DIP2C: variants seen among roughly 807,000 people sequenced by gnomAD.
DIP2C encodes the protein disco-interacting protein 2 homolog C.
In DIP2C, 33 loss-of-function variants were observed where a neutral mutation model predicts 192.4. That is an observed-to-expected ratio of 0.17 (90% CI 0.13 to 0.23). The LOEUF is 0.23. Among genes scored for constraint, DIP2C ranks in the 10% least tolerant of loss-of-function variants. The pLI is 1.00. For synonymous variants in DIP2C, 979 were observed against 864.1 expected, an observed-to-expected ratio of 1.13 and a Z score of -2.33; for missense variants, 1,537 against 2,110.1, an observed-to-expected ratio of 0.73 and a Z score of 5.32.
At chr10:537,324 C>A (rs1435581762) in intron 1 of DIP2C, among the ~76,000 whole-genome samples, 1 of 152,200 alleles carries the variant, frequency 6.6e-6, no homozygotes, top group Non-Finnish European at 1.5e-5. Flanking sequence ...ATGACTCAAA[C>A]AGAGCAAGTG....
At chr10:473,694 T>C (rs1430081888) in intron 2 of DIP2C, among the ~76,000 whole-genome samples, 1 of 152,274 alleles carries the variant, frequency 6.6e-6, no homozygotes, top group Admixed American at 6.5e-5. Context: ...CATGAAGAAC[T>C]GCTCTAAGAG....
In DIP2C at chr10:333,363, C is replaced by A. The variant is rs148069361; in HGVS notation, c.3585-3762G>T. On this transcript the variant is annotated intron_variant, in intron 29 of 36. Transcript: ENST00000280886. ...CACCTGAAAGGGATCCCGTGTCCAT[C>A]TGCAGTCAGTCCCATTTCCAGCCCT... 1.3e-3 allele frequency among the ~76,000 whole-genome samples: 192 copies of A among 152,350 alleles called. 1 individual carries two copies. The highest frequency in any genetic ancestry group is 4.4e-3 in the African/African-American group (181 of 41,564).
At chr10:467,197 G>A (rs1488866382) in intron 3 of DIP2C, among the ~76,000 whole-genome samples, 1 of 152,130 alleles carries the variant, frequency 6.6e-6, no homozygotes, top group East Asian at 1.9e-4. Flanking sequence ...GGAATACTAT[G>A]CAGCCATAAA....
intron 35 of DIP2C, 133 bp downstream of exon 35, chr10:283,139 A>T: frequency 8.0e-7 from 1 of 1,255,356 alleles, no homozygotes; most frequent in East Asian, 2.3e-5. Flanking sequence ...GGTTCTTTTC[A>T]CACTGGGTTG....
rs1330551337 is a variant in DIP2C at position 390,371 on chromosome 10, A to G, written c.1387T>C (p.Trp463Arg). Residue 463 changes from tryptophan to arginine, a missense_variant and splice_region_variant, in exon 12 of 37, where the codon TGG becomes CGG. By Grantham distance (101) the Trp-to-Arg change is moderately radical. This residue lies in a region of DIP2C where 677 missense variants were observed against 989.9 expected (regional missense o/e 0.68). Coordinates refer to ENST00000280886, the MANE Select transcript of DIP2C (RefSeq NM_014974.3). ...PTGEIPQFKG[W>R]PKLLWFVTES... ...GTGACAAACCACAGCAGCTTTGGCCAACCTTGGAAATAAACAACAAGTTCC... is the reference window on the plus strand; with the variant it reads ...GTGACAAACCACAGCAGCTTTGGCCGACCTTGGAAATAAACAACAAGTTCC... 1 of 1,613,840 alleles carries G rather than the reference A, an allele frequency of 6.2e-7. No homozygotes were observed.
At chr10:323,841 G>C (rs1419960029) in intron 31 of DIP2C, among the ~76,000 whole-genome samples, 6 of 152,194 alleles carry the variant, frequency 3.9e-5, no homozygotes, top group African/African-American at 1.4e-4. Context: ...GGCATGTCCT[G>C]TGTGCTGGGC....
intron 1 of DIP2C, among the ~76,000 whole-genome samples, chr10:679,800 C>T (rs1831066948): frequency 6.6e-6 from 1 of 152,188 alleles, no homozygotes; most frequent in Admixed American, 6.5e-5. Flanking sequence ...TTCCCTGCGC[C>T]CATATCTGCT....
In DIP2C at chr10:294,835, A is replaced by C. The variant is rs1035458996; in HGVS notation, c.3987-6414T>G. On this transcript the variant is annotated intron_variant, in intron 32 of 36. Coordinates refer to ENST00000280886, the MANE Select transcript of DIP2C (RefSeq NM_014974.3). ...AAGCAAATAGGATTATAAATAACTT[A>C]AAAGCTTCTGCACAGCAAAGGAAAC... is the stretch of plus-strand genomic sequence containing the variant. Among the ~76,000 whole-genome samples, 3 of 152,312 alleles carry C rather than the reference A, an allele frequency of 2.0e-5. No individual in the cohort carries two copies. The South Asian group carries it at 6.2e-4, about 32-fold the overall frequency.
At position 419,180 on chromosome 10, in the gene DIP2C, A is replaced by G. The variant is rs1348218377; in HGVS notation, c.624T>C (p.Pro208=). The change falls in exon 6 of 37, where the codon CCT becomes CCC. Residue 208 remains proline (P), a synonymous_variant. Transcript: ENST00000280886. ...QTHIENHSAP[P]DVTTYTSEHS... ...GCTCTGAGGTGTACGTGGTTACGTC[A>G]GGAGGTGCAGAATGATTTTCTGTAA... 1 of 1,614,248 alleles carries G rather than the reference A, an allele frequency of 6.2e-7. No homozygotes were observed. The highest frequency in any genetic ancestry group is 1.3e-5 in the African/African-American group (1 of 75,072).
chr10:606,669 T>C (rs1316597440), intron 1 of DIP2C, among the ~76,000 whole-genome samples: 3 of 152,234 alleles, frequency 2.0e-5, no homozygotes, highest in South Asian at 2.1e-4. Flanking sequence ...TGCTGTGATC[T>C]GAATTCTCAT....
chr10:524,050 G>A (rs1475884982), intron 1 of DIP2C, among the ~76,000 whole-genome samples: 2 of 152,180 alleles, frequency 1.3e-5, no homozygotes, highest in Admixed American at 6.5e-5. Flanking sequence ...CCCGAGGCTG[G>A]TTCCACCTCC....
chr10:445,612 A>ACC (rs1199569335), intron 3 of DIP2C, among the ~76,000 whole-genome samples: 90 of 126,498 alleles, frequency 7.1e-4, no homozygotes, highest in African/African-American at 3.3e-3. Context: ...GCATCTGTAT[A>ACC]CAACTGTTGC....
intron 6 of DIP2C, among the ~76,000 whole-genome samples, chr10:417,500 G>C (rs912799796): frequency 6.6e-6 from 1 of 152,178 alleles, no homozygotes; most frequent in African/African-American, 2.4e-5. Context: ...CATCGCACTG[G>C]CAATCAGGGC....
At chr10:420,018 G>A (rs972203857) in intron 5 of DIP2C, among the ~76,000 whole-genome samples, 3 of 152,174 alleles carry the variant, frequency 2.0e-5, no homozygotes, top group Admixed American at 6.5e-5. Flanking sequence ...CTTGATGACG[G>A]GCGCCACGAT....
intron 1 of DIP2C, among the ~76,000 whole-genome samples, chr10:679,421 G>A (rs1357044056): frequency 1.0e-4 from 4 of 39,974 alleles, no homozygotes; most frequent in African/African-American, 5.1e-4. Context: ...CAGGCTCCCC[G>A]CGCCCATCTG....
intron 1 of DIP2C, among the ~76,000 whole-genome samples, chr10:488,718 G>C (rs1020264664): frequency 6.6e-6 from 1 of 152,198 alleles, no homozygotes; most frequent in Non-Finnish European, 1.5e-5. Context: ...TGACGCCTCT[G>C]GGTACCCACG....
chr10:610,784 A>C (rs1260939091), intron 1 of DIP2C, among the ~76,000 whole-genome samples: 3 of 138,528 alleles, frequency 2.2e-5, no homozygotes, highest in Non-Finnish European at 3.1e-5. Context: ...CCCTGGTGGG[A>C]GGTGACTGAC....
intron 1 of DIP2C, among the ~76,000 whole-genome samples, chr10:599,555 A>G (rs1019148482): frequency 6.6e-6 from 1 of 152,176 alleles, no homozygotes; most frequent in African/African-American, 2.4e-5. Flanking sequence ...GGGTCAGTGA[A>G]CGAAAGGCAG....
At chr10:656,630 T>C (rs78355067) in intron 1 of DIP2C, among the ~76,000 whole-genome samples, 137 of 152,354 alleles carry the variant, frequency 9.0e-4, no homozygotes, top group African/African-American at 3.2e-3. Context: ...TCCTTTGCAG[T>C]GTCTGATTTC....
Sources: gnomAD v4.1 joint callset for allele counts (sites outside exome capture counted in the v4.1 genomes callset) on GRCh38, gnomAD v4.1.1 for gene constraint, gnomAD v4.1.1 regional missense constraint, MANE v1.5 for transcripts, NCBI Gene and HGNC (gene_info 2026-07-23, HGNC 2026-07-21) for gene names.